UBQLN3: variants seen among roughly 807,000 people sequenced by gnomAD.
The protein encoded by UBQLN3 is ubiquilin-3.
UBQLN3 carries 1 observed loss-of-function variant against 2.9 expected under a neutral mutation model. The observed-to-expected ratio is 0.35, with a 90% CI of 0.12 to 1.66. The LOEUF is 1.66. Ranked by LOEUF, UBQLN3 falls within the 40% of genes most tolerant of loss-of-function variation. UBQLN3 has a pLI of 0.35. For missense variants in UBQLN3, 924 were observed against 816.5 expected (o/e 1.13, Z -1.61); for synonymous variants, 358 against 317.6 (o/e 1.13, Z -1.35).
rs1846440391 is a variant in UBQLN3 at position 5,509,390 on chromosome 11, G to A, written c.169C>T (p.His57Tyr). 1 of 1,614,076 alleles carries A rather than the reference G, an allele frequency of 6.2e-7. No individual in the cohort carries two copies. The highest frequency in any genetic ancestry group is 1.7e-5 in the Admixed American group (1 of 60,012). The part of the protein sequence containing the change: ...KEEISQRFKA[H>Y]PDQLVLIFAG... ...AAGATTAGAACAAGCTGATCGGGGT[G>A]GGCCTTAAAGCGCTGAGATATCTCT... Residue 57 changes from histidine to tyrosine, a missense_variant, in exon 2 of 2, where the codon CAC becomes TAC. His to Tyr is a moderately conservative substitution (Grantham distance 83, BLOSUM62 2). Coordinates refer to ENST00000311659, the MANE Select transcript of UBQLN3 (RefSeq NM_017481.4).
rs545564526 is a variant in UBQLN3, at chr11:5,507,618, A to C, written c.1941T>G (p.Ala647=). The part of the protein sequence containing the change: ...ALIATGGDVD[A]AVEKLRQS ...ACGACTGTCTCAGCTTCTCCACAGC[A>C]GCATCCACGTCGCCCCCCGTAGCAA... is the stretch of plus-strand genomic sequence containing the variant. Residue 647 remains alanine (A), a synonymous_variant, in exon 2 of 2, where the codon GCT becomes GCG. Transcript: ENST00000311659. The C allele has an allele frequency of 7.4e-6, 12 of 1,611,864 alleles. No homozygotes were observed. The South Asian group carries it at 1.1e-4, about 15-fold the overall frequency.
Position 5,508,172 on chromosome 11 carries a change from A to C in UBQLN3, c.1387T>G (p.Ser463Ala). The C allele has an allele frequency of 6.2e-7, 1 of 1,614,030 alleles. No homozygotes were observed. The highest frequency in any genetic ancestry group is 1.3e-5 in the African/African-American group (1 of 74,986). ...ATTCCAGGAATGGCTGCCGTGGGGG[A>C]AAAAGATAAGGGAGCAAATGGAACC... ...NRVPFAPLSF[S>A]PTAAIPGIPE... The change falls in exon 2 of 2, where the codon TCC becomes GCC. Residue 463 changes from serine (S) to alanine (A), a missense_variant. Physicochemically the swap from Ser to Ala is moderately conservative, Grantham distance 99. Transcript: ENST00000311659. This position sits in a 1 kb window ranked among gnomAD's most constrained non-coding sequence, Gnocchi z 4.2.
intron 1 of UBQLN3, 61 bp from the exon 2 acceptor site, chr11:5,509,655 G>C: frequency 6.7e-7 from 1 of 1,484,848 alleles, no homozygotes; most frequent in South Asian, 1.4e-5. Context: ...AAGTAGGAAG[G>C]GTGAGTATGA....
Position 5,509,041 on chromosome 11 carries a change from TC to T in UBQLN3, c.517del (p.Asp173MetfsTer14). 1 of 1,614,110 alleles carries T rather than the reference TC, an allele frequency of 6.2e-7. No individual in the cohort carries two copies. The highest frequency in any genetic ancestry group is 8.5e-7 in the Non-Finnish European group (1 of 1,180,004). On this transcript the variant is annotated frameshift_variant, in exon 2 of 2. Coordinates refer to ENST00000311659, the MANE Select transcript of UBQLN3 (RefSeq NM_017481.4). LOFTEE classifies it low-confidence loss of function (END_TRUNC). Reference sequence around the variant, plus strand: ...CAGCAGACCCGGGATGAAGGGGTCATCAATGAGCTGAGTCACAAACTCAGGC... The same window carrying T: ...CAGCAGACCCGGGATGAAGGGGTCATAATGAGCTGAGTCACAAACTCAGGC... ...SVPEFVTQLI[D>X]DPFIPGLLSN... is the part of the protein sequence containing the mutation.
chr11:5,507,340 C>T lies in UBQLN3; in HGVS notation c.*251G>A. On this transcript the variant is annotated 3_prime_UTR_variant, in exon 2 of 2. Coordinates refer to ENST00000311659, the MANE Select transcript of UBQLN3 (RefSeq NM_017481.4). ...GGGTGTAATTGCATCTCAAGATAGGCATAAGCAGAGCTTAGACTGGGGCCC... is the reference window on the plus strand; with the variant it reads ...GGGTGTAATTGCATCTCAAGATAGGTATAAGCAGAGCTTAGACTGGGGCCC... The T allele has an allele frequency of 2.0e-6, 1 of 490,284 alleles. No individual in the cohort carries two copies. The allele number at this position is 490,284 out of a possible 1,614,324, so 30.4% of individuals were successfully genotyped here.
At position 5,508,650 on chromosome 11, in the gene UBQLN3, G is replaced by A. The variant is rs1395667408; in HGVS notation, c.909C>T (p.Pro303=). ...PSRMENCDPL[P]NPWTSTHGGS... ...CTCCATGTGTGGAAGTCCAGGGGTT[G>A]GGGAGAGGGTCACAATTCTCCATCC... The change falls in exon 2 of 2, where the codon CCC becomes CCT. Residue 303 remains proline, a synonymous_variant. Coordinates refer to ENST00000311659, the MANE Select transcript of UBQLN3 (RefSeq NM_017481.4). This position sits in a 1 kb window ranked among gnomAD's most constrained non-coding sequence, Gnocchi z 4.2. 6.2e-7 allele frequency: 1 copy of A among 1,613,900 alleles called. No individual in the cohort carries two copies. The highest frequency in any genetic ancestry group is 8.5e-7 in the Non-Finnish European group (1 of 1,179,968).
Position 5,508,216 on chromosome 11 carries a change from A to C in UBQLN3, c.1343T>G (p.Leu448Arg), listed in dbSNP as rs756621908. Reference sequence around the variant, plus strand: ...TGGAACCCTGTTGGCAGAATCTCCCAGCCCCGAGACAAGATCAGGCAAGTT... The same window carrying C: ...TGGAACCCTGTTGGCAGAATCTCCCCGCCCCGAGACAAGATCAGGCAAGTT... ...STNLPDLVSG[L>R]GDSANRVPFA... Residue 448 changes from leucine to arginine, a missense_variant, in exon 2 of 2, where the codon CTG becomes CGG. Physicochemically the swap from Leu to Arg is moderately radical, Grantham distance 102 (BLOSUM62 -2). Coordinates refer to ENST00000311659, the MANE Select transcript of UBQLN3 (RefSeq NM_017481.4). This position sits in a 1 kb window ranked among gnomAD's most constrained non-coding sequence, Gnocchi z 4.2. 2 of 1,614,210 alleles carry C rather than the reference A, an allele frequency of 1.2e-6. No homozygotes were observed. Among genetic ancestry groups the C allele is most frequent in the Non-Finnish European group, 1.7e-6 (2 of 1,180,038 alleles).
chr11:5,507,729 C>T lies in UBQLN3; in HGVS notation c.1830G>A (p.Leu610=), dbSNP rs201865348. 1.6e-5 allele frequency: 26 copies of T among 1,614,110 alleles called. No homozygotes were observed. The highest frequency in any genetic ancestry group is 1.6e-4 in the Middle Eastern group (1 of 6,062). Residue 610 remains leucine, a synonymous_variant, in exon 2 of 2, where the codon CTG becomes CTA. Coordinates refer to ENST00000311659, the MANE Select transcript of UBQLN3 (RefSeq NM_017481.4). The part of the protein sequence containing the change: ...QDLVSTNPQQ[L]QPEAHFQVQL... ...GCACCTGAAAGTGAGCCTCAGGCTGCAGCTGCTGGGGATTTGTACTAACTA... is the reference window on the plus strand; with the variant it reads ...GCACCTGAAAGTGAGCCTCAGGCTGTAGCTGCTGGGGATTTGTACTAACTA...
At position 5,509,227 on chromosome 11, in the gene UBQLN3, C is replaced by T; in HGVS notation, c.332G>A (p.Gly111Asp). The T allele has an allele frequency of 1.9e-6, 3 of 1,614,106 alleles. No homozygotes were observed. Among genetic ancestry groups the T allele is most frequent in the African/African-American group, 1.3e-5 (1 of 75,008 alleles). The change falls in exon 2 of 2, where the codon GGC becomes GAC. Residue 111 changes from glycine to aspartate, a missense_variant. Gly to Asp is a moderately conservative substitution (Grantham distance 94). Transcript: ENST00000311659. ...CTGAGGGAGTGATCCAGGACTTGGG[C>T]CCTGGGTAGGGACAGAGGCAGCTGG... ...ECPAASVPTQ[G>D]PSPGSLPQPS...
Position 5,507,355 on chromosome 11 carries a change from G to T in UBQLN3, c.*236C>A. ...TCAAGATAGGCATAAGCAGAGCTTA[G>T]ACTGGGGCCCCCCAGTGGTATAGTG... On this transcript the variant is annotated 3_prime_UTR_variant, in exon 2 of 2. Coordinates refer to ENST00000311659, the MANE Select transcript of UBQLN3 (RefSeq NM_017481.4). 1.5e-6 allele frequency: 1 copy of T among 679,992 alleles called. No homozygotes were observed. Among genetic ancestry groups the T allele is most frequent in the Non-Finnish European group, 2.2e-6 (1 of 453,270 alleles). The allele number at this position is 679,992 out of a possible 1,614,324, so 42.1% of individuals were successfully genotyped here.
rs1399112966 is a variant in UBQLN3 at position 5,509,283 on chromosome 11, C to T, written c.276G>A (p.Lys92=). 2 of 1,614,110 alleles carry T rather than the reference C, an allele frequency of 1.2e-6. No individual in the cohort carries two copies. Among genetic ancestry groups the T allele is most frequent in the African/African-American group, 2.7e-5 (2 of 74,942 alleles). Residue 92 remains lysine, a synonymous_variant, in exon 2 of 2, where the codon AAG becomes AAA. Transcript: ENST00000311659. The stretch of plus-strand genomic sequence containing the variant: ...CATTGCCCATGGCACGGTGCTGCCT[C>T]TTGATGACCAGGTGGACAGTGAGGC... ...RDGLTVHLVI[K]RQHRAMGNEC...
intron 1 of UBQLN3, 59 bp from the exon 2 acceptor site, chr11:5,509,653 A>G: frequency 6.7e-7 from 1 of 1,490,438 alleles, no homozygotes; most frequent in Non-Finnish European, 8.9e-7. Context: ...AAAAGTAGGA[A>G]GGGTGAGTAT....
In UBQLN3 at chr11:5,508,870, A is replaced by G; in HGVS notation, c.689T>C (p.Met230Thr). 1 of 1,614,206 alleles carries G rather than the reference A, an allele frequency of 6.2e-7. No individual in the cohort carries two copies. The highest frequency in any genetic ancestry group is 8.5e-7 in the Non-Finnish European group (1 of 1,180,046). The stretch of plus-strand genomic sequence containing the variant: ...GTCCTGGCTACGTATCATCTCCTGC[A>G]TCATGGCAGGGTTACGTAAAAACTC... ...TLEFLRNPAM[M>T]QEMIRSQDRV... Residue 230 changes from methionine to threonine, a missense_variant, in exon 2 of 2, where the codon ATG (methionine) becomes ACG (threonine). Coordinates refer to ENST00000311659, the MANE Select transcript of UBQLN3 (RefSeq NM_017481.4). This position sits in a 1 kb window ranked among gnomAD's most constrained non-coding sequence, Gnocchi z 4.2.
In UBQLN3 at chr11:5,509,374, A is replaced by G; in HGVS notation, c.185T>C (p.Val62Ala). Reference protein sequence around the residue: ...QRFKAHPDQLVLIFAGKILKD... With the variant: ...QRFKAHPDQLALIFAGKILKD... Reference sequence around the variant, plus strand: ...GAGGATTTTGCCAGCAAAGATTAGAACAAGCTGATCGGGGTGGGCCTTAAA... The same window carrying G: ...GAGGATTTTGCCAGCAAAGATTAGAGCAAGCTGATCGGGGTGGGCCTTAAA... Residue 62 changes from valine to alanine, a missense_variant, in exon 2 of 2, where the codon GTT (valine) becomes GCT (alanine). Transcript: ENST00000311659. The G allele has an allele frequency of 6.2e-7, 1 of 1,614,172 alleles. No homozygotes were observed. The highest frequency in any genetic ancestry group is 8.5e-7 in the Non-Finnish European group (1 of 1,180,028).
rs773457571 is a variant in UBQLN3 at position 5,507,734 on chromosome 11, G to T, written c.1825C>A (p.Gln609Lys). Residue 609 changes from glutamine to lysine, a missense_variant, in exon 2 of 2, where the codon CAG becomes AAG. Transcript: ENST00000311659. ...TGAAAGTGAGCCTCAGGCTGCAGCT[G>T]CTGGGGATTTGTACTAACTAAATCT... ...LQDLVSTNPQ[Q>K]LQPEAHFQVQ... 1.9e-6 allele frequency: 3 copies of T among 1,614,134 alleles called. No homozygotes were observed. The highest frequency in any genetic ancestry group is 2.5e-6 in the Non-Finnish European group (3 of 1,180,042).
rs990729069 is a variant in UBQLN3, at chr11:5,507,306, T to C, written c.*285A>G. On this transcript the variant is annotated 3_prime_UTR_variant, in exon 2 of 2. Transcript: ENST00000311659. ...AATGAGACTCAGGCAAGAGTTCACA[T>C]TGGAAATTGGGTGTAATTGCATCTC... The C allele has an allele frequency of 2.2e-5, 7 of 320,626 alleles. No homozygotes were observed. Among genetic ancestry groups the C allele is most frequent in the East Asian group, 1.2e-4 (2 of 17,010 alleles). The allele number at this position is 320,626 out of a possible 1,614,324, so 19.9% of individuals were successfully genotyped here.
Position 5,508,477 on chromosome 11 carries a change from T to G in UBQLN3, c.1082A>C (p.Gln361Pro). ...TTGGCTGAGGGCAGATGCAGTCCCC[T>G]GTAGATAAGTTCCTAGGGACTGGGG... ...ENPQSLGTYL[Q>P]GTASALSQSQ... Residue 361 changes from glutamine (Q) to proline (P), a missense_variant, in exon 2 of 2, where the codon CAG (glutamine) becomes CCG (proline). Coordinates refer to ENST00000311659, the MANE Select transcript of UBQLN3 (RefSeq NM_017481.4). The surrounding 1 kb of genome is among the most constrained non-coding windows in gnomAD (Gnocchi z 4.2). 1.2e-6 allele frequency: 2 copies of G among 1,613,544 alleles called. No homozygotes were observed. Among genetic ancestry groups the G allele is most frequent in the Non-Finnish European group, 1.7e-6 (2 of 1,179,742 alleles).
chr11:5,507,440 G>A lies in UBQLN3; in HGVS notation c.*151C>T, dbSNP rs556554257. On this transcript the variant is annotated 3_prime_UTR_variant, in exon 2 of 2. Coordinates refer to ENST00000311659, the MANE Select transcript of UBQLN3 (RefSeq NM_017481.4). ...TATGTTTTGGCCATTAGTCTTCCTC[G>A]TTGACTCTGGAACAACATTGCCTCC... 2.5e-5 allele frequency: 35 copies of A among 1,427,712 alleles called. No homozygotes were observed. The highest frequency in any genetic ancestry group is 4.3e-5 in the African/African-American group (3 of 70,112). 88.4% of individuals were successfully genotyped at this position (1,427,712 alleles called of 1,614,324 possible).
rs771169190 is a variant in UBQLN3, at chr11:5,509,133, C to A, written c.426G>T (p.Arg142Ser). Residue 142 changes from arginine to serine, a missense_variant, in exon 2 of 2, where the codon AGG (arginine) becomes AGT (serine). Transcript: ENST00000311659. ...GGAAGCCACGATAGGCCAAGCCCAGCCTACTGAGGCCTGTGAGGAGACCTA... is the reference window on the plus strand; with the variant it reads ...GGAAGCCACGATAGGCCAAGCCCAGACTACTGAGGCCTGTGAGGAGACCTA... ...FSLGLLTGLS[R>S]LGLAYRGFPD... 22 of 1,613,956 alleles carry A rather than the reference C, an allele frequency of 1.4e-5. No individual in the cohort carries two copies. The highest frequency in any genetic ancestry group is 1.8e-5 in the Non-Finnish European group (21 of 1,179,988).
Sources: gnomAD v4.1 joint callset for allele counts on GRCh38, gnomAD v4.1.1 for gene constraint, Gnocchi (gnomAD v3.1) non-coding constraint, MANE v1.5 for transcripts, NCBI Gene and HGNC (gene_info 2026-07-23, HGNC 2026-07-21) for gene names.